The following ESRRG variants were observed in gnomAD, a reference collection of about 807,000 sequenced individuals.
ESRRG encodes the protein estrogen related receptor gamma.
In ESRRG, 13 loss-of-function variants were observed where a neutral mutation model predicts 44.0. The ratio of observed to expected loss-of-function variants is 0.30; its 90% CI spans 0.19 to 0.47. The LOEUF (loss-of-function observed/expected upper bound fraction) is 0.47. Ranked by LOEUF, ESRRG falls within the 20% of genes least tolerant of loss-of-function variation. The probability of loss-of-function intolerance (pLI) is 1.00; values close to 1 mark genes in which losing one functional copy is unlikely to be tolerated. For synonymous variants in ESRRG, 215 were observed against 214.6 expected (o/e 1.00, Z -0.02); for missense variants, 395 against 580.6 (o/e 0.68, Z 3.29).
At chr1:217,073,101 C>T (rs2090776263) in intron 1 of ESRRG, among the ~76,000 whole-genome samples, 1 of 148,062 alleles carries the variant, frequency 6.8e-6, no homozygotes, top group South Asian at 2.2e-4. Flanking sequence ...GAAAGTCATC[C>T]ACCTTGCAGC....
At chr1:217,104,220 C>G (rs1251570621) in intron 1 of ESRRG, among the ~76,000 whole-genome samples, 1 of 152,086 alleles carries the variant, frequency 6.6e-6, no homozygotes, top group Non-Finnish European at 1.5e-5. Context: ...TCTTGTAGCC[C>G]CTGTGAACAG....
At chr1:216,553,393 G>T (rs2056856170) in intron 5 of ESRRG, among the ~76,000 whole-genome samples, 1 of 152,182 alleles carries the variant, frequency 6.6e-6, no homozygotes, top group Admixed American at 6.6e-5. Flanking sequence ...CTCTGAAACT[G>T]GGTAGGTGTG....
At position 216,569,611 on chromosome 1, in the gene ESRRG, T is replaced by G. The variant is rs890533660; in HGVS notation, c.590-1513A>C. Reference sequence around the variant, plus strand: ...TTGTAAAGTTTAGCACAGGACCATATAAGTCCCTACCAAATATAAGGACGA... The same window carrying G: ...TTGTAAAGTTTAGCACAGGACCATAGAAGTCCCTACCAAATATAAGGACGA... On this transcript the variant is annotated intron_variant, in intron 3 of 6. Transcript: ENST00000408911. Among the ~76,000 whole-genome samples, 80 of 152,320 alleles carry G rather than the reference T, an allele frequency of 5.3e-4. 1 individual carries two copies. Among genetic ancestry groups the G allele is most frequent in the Admixed American group, 3.3e-3 (50 of 15,298 alleles).
intron 1 of ESRRG, chr1:216,714,458 G>T: frequency 6.7e-6 from 2 of 296,360 alleles, no homozygotes; most frequent in Non-Finnish European, 1.0e-5. Flanking sequence ...CAATGTGGCA[G>T]CAGAGAAGTT....
At chr1:217,109,842 A>G (rs1267953875) in intron 1 of ESRRG, among the ~76,000 whole-genome samples, 1 of 152,204 alleles carries the variant, frequency 6.6e-6, no homozygotes, top group African/African-American at 2.4e-5. Flanking sequence ...TAGGGGCAAA[A>G]TGGCCACAGT....
intron 5 of ESRRG, among the ~76,000 whole-genome samples, chr1:216,558,869 TG>T (rs1411491246): frequency 1.3e-5 from 2 of 151,952 alleles, no homozygotes; most frequent in African/African-American, 4.8e-5. Context: ...TTTTGTTTTT[TG>T]TTTTTTTGTT....
At position 216,513,287 on chromosome 1, in the gene ESRRG, C is replaced by T. The variant is rs78150599; in HGVS notation, c.1132+5865G>A. Among the ~76,000 whole-genome samples the T allele has an allele frequency of 2.5e-4, 38 of 152,160 alleles. No homozygotes were observed. In the East Asian group the frequency reaches 4.4e-3, roughly 18 times the overall value. ...TAATGAATCAAGCAGAATTCTTTGGCGGCTGTAGAAACAGGTGGCAGAAAT... is the reference window on the plus strand; with the variant it reads ...TAATGAATCAAGCAGAATTCTTTGGTGGCTGTAGAAACAGGTGGCAGAAAT... On this transcript the variant is annotated intron_variant, in intron 6 of 6. Coordinates refer to ENST00000408911, the MANE Select transcript of ESRRG (RefSeq NM_001438.4).
chr1:216,745,142 T>A (rs916729262), intron 2 of ESRRG, among the ~76,000 whole-genome samples: 1 of 147,572 alleles, frequency 6.8e-6, no homozygotes, highest in Non-Finnish European at 1.5e-5. Flanking sequence ...TCTTTCATCC[T>A]TTTTTTGTTT....
chr1:216,729,312 G>A (rs975465146), intron 2 of ESRRG, among the ~76,000 whole-genome samples: 1 of 152,140 alleles, frequency 6.6e-6, no homozygotes. Flanking sequence ...CCCGTTTGGA[G>A]AATACATTTT....
chr1:216,810,702 ATG>A (rs35354364), intron 2 of ESRRG, among the ~76,000 whole-genome samples: 88,813 of 145,246 alleles, frequency 0.61, 27,623 homozygotes, highest in Non-Finnish European at 0.64. Context: ...ACAAAAATGG[ATG>A]TGTGTGTGTG....
At chr1:216,878,299 TC>T in intron 2 of ESRRG, among the ~76,000 whole-genome samples, 1 of 152,302 alleles carries the variant, frequency 6.6e-6, no homozygotes, top group East Asian at 1.9e-4. Flanking sequence ...TTTGCAGGCT[TC>T]TTTTTATACA....
chr1:216,673,325 A>C (rs1374725311), intron 2 of ESRRG, among the ~76,000 whole-genome samples: 3 of 152,234 alleles, frequency 2.0e-5, no homozygotes, highest in Non-Finnish European at 4.4e-5. Context: ...TTCACAATTT[A>C]ATCCCTTTAT....
At chr1:216,618,833 G>C (rs1255285951) in intron 3 of ESRRG, among the ~76,000 whole-genome samples, 4 of 152,230 alleles carry the variant, frequency 2.6e-5, no homozygotes, top group Admixed American at 2.6e-4. Flanking sequence ...TTCTCAAAGA[G>C]AGATATATGT....
At chr1:216,926,036 A>C (rs2062520343) in intron 2 of ESRRG, among the ~76,000 whole-genome samples, 2 of 152,214 alleles carry the variant, frequency 1.3e-5, no homozygotes, top group African/African-American at 4.8e-5. Context: ...AAAAGGCCAC[A>C]CAAACAACTC....
At chr1:217,113,416 G>A (rs2092681722) in intron 1 of ESRRG, among the ~76,000 whole-genome samples, 1 of 152,106 alleles carries the variant, frequency 6.6e-6, no homozygotes, top group Non-Finnish European at 1.5e-5. Context: ...TCTTATCTCT[G>A]TACCACCAAC....
chr1:216,827,291 A>G (rs879349542), intron 2 of ESRRG, among the ~76,000 whole-genome samples: 6 of 152,160 alleles, frequency 3.9e-5, no homozygotes, highest in Non-Finnish European at 8.8e-5. Flanking sequence ...GTTCTCCCTT[A>G]TTGTATTAAG....
At chr1:216,976,278 G>A (rs961956006) in intron 1 of ESRRG, among the ~76,000 whole-genome samples, 3 of 136,050 alleles carry the variant, frequency 2.2e-5, no homozygotes, top group African/African-American at 8.0e-5. Context: ...AGTAGAAAAT[G>A]CTCCTAAATG....
intron 1 of ESRRG, among the ~76,000 whole-genome samples, chr1:216,950,897 GA>G (rs951903125): frequency 2.6e-5 from 4 of 152,132 alleles, no homozygotes; most frequent in African/African-American, 9.7e-5. Context: ...CACTGACCGT[GA>G]AATTTAGTTT....
In ESRRG at chr1:216,518,743, A is replaced by G. The variant is rs75454097; in HGVS notation, c.1132+409T>C. ...ACCAAAACTCAAAGCAACACTAAAT[A>G]TATTTTCCCAATTGCACAATTTGCA... On this transcript the variant is annotated intron_variant, in intron 6 of 6. Coordinates refer to ENST00000408911, the MANE Select transcript of ESRRG (RefSeq NM_001438.4). Among the ~76,000 whole-genome samples, 907 of 152,312 alleles carry G rather than the reference A, an allele frequency of 6.0e-3. 7 individuals carry two copies. Among genetic ancestry groups the G allele is most frequent in the Non-Finnish European group, 7.4e-3 (506 of 68,032 alleles).
Sources: allele counts gnomAD v4.1 joint callset (sites outside exome capture counted in the v4.1 genomes callset), GRCh38; gene constraint gnomAD v4.1.1; transcripts MANE v1.5; gene names NCBI Gene and HGNC (gene_info 2026-07-23, HGNC 2026-07-21).